The following ADAM22 variants were observed in gnomAD, a reference collection of about 807,000 sequenced individuals.
ADAM22 encodes the protein disintegrin and metalloproteinase domain-containing protein 22.
A neutral mutation model predicts 144.6 loss-of-function variants in ADAM22; 65 were observed. The ratio of observed to expected loss-of-function variants is 0.45; its 90% CI spans 0.37 to 0.55. The LOEUF is 0.55. ADAM22 is among the 20% of genes least tolerant of loss of function. The probability of loss-of-function intolerance (pLI) is 0.00; values close to 1 mark genes in which losing one functional copy is unlikely to be tolerated. For missense variants in ADAM22, 974 were observed against 1,184.9 expected, an observed-to-expected ratio of 0.82 and a Z score of 2.61; for synonymous variants, 391 against 412.6, an observed-to-expected ratio of 0.95 and a Z score of 0.63.
At chr7:88,095,977 G>A (rs1035075122) in intron 4 of ADAM22, among the ~76,000 whole-genome samples, 3 of 132,144 alleles carry the variant, frequency 2.3e-5, no homozygotes, top group African/African-American at 8.8e-5. Flanking sequence ...TGCTCAGGCT[G>A]GAGTGCAGTG....
At chr7:88,105,230 T>A (rs1023936258) in intron 4 of ADAM22, among the ~76,000 whole-genome samples, 1 of 152,164 alleles carries the variant, frequency 6.6e-6, no homozygotes. Flanking sequence ...TCTACTTCTC[T>A]TTATTTATCT....
intron 3 of ADAM22, among the ~76,000 whole-genome samples, chr7:87,987,097 G>A (rs1055166923): frequency 2.6e-4 from 40 of 152,262 alleles, no homozygotes; most frequent in African/African-American, 9.6e-4. Flanking sequence ...GTTCTTTTGA[G>A]ATTTTTACAG....
chr7:87,971,912 C>T (rs1850537198), intron 2 of ADAM22, among the ~76,000 whole-genome samples: 2 of 152,142 alleles, frequency 1.3e-5, no homozygotes, highest in Admixed American at 6.5e-5. Context: ...CCATATTGGC[C>T]GGGTGCGGTG....
chr7:87,969,924 G>T (rs79253546), intron 2 of ADAM22, among the ~76,000 whole-genome samples: 1 of 152,156 alleles, frequency 6.6e-6, no homozygotes, highest in Non-Finnish European at 1.5e-5. Context: ...GGAAAAGGGA[G>T]AGTAACATGG....
At chr7:87,999,313 C>T (rs1355097075) in intron 3 of ADAM22, among the ~76,000 whole-genome samples, 1 of 152,170 alleles carries the variant, frequency 6.6e-6, no homozygotes, top group African/African-American at 2.4e-5. Context: ...ACCTTATACA[C>T]AATCACACAA....
chr7:87,969,975 C>G (rs1230256198), intron 2 of ADAM22, among the ~76,000 whole-genome samples: 1 of 152,146 alleles, frequency 6.6e-6, no homozygotes, highest in African/African-American at 2.4e-5. Context: ...CACTAATGTT[C>G]TTACATTTAT....
At chr7:88,114,472 G>A (rs1827236474) in intron 5 of ADAM22, 112 bp from the exon 6 acceptor site, 14 of 891,292 alleles carry the variant, frequency 1.6e-5, no homozygotes, top group Non-Finnish European at 2.6e-5. Context: ...ATGGGACTGG[G>A]AAATGGGCAT....
chr7:88,143,255 T>A, intron 15 of ADAM22, 130 bp downstream of exon 15: 2 of 585,018 alleles, frequency 3.4e-6, no homozygotes, highest in Non-Finnish European at 5.9e-6. Flanking sequence ...ATTCTAGATA[T>A]GCTATATATC....
At chr7:87,987,131 A>C (rs567725876) in intron 3 of ADAM22, among the ~76,000 whole-genome samples, 1 of 152,178 alleles carries the variant, frequency 6.6e-6, no homozygotes, top group Non-Finnish European at 1.5e-5. Flanking sequence ...TAAAGATTAA[A>C]TCATCAGAGC....
chr7:88,130,038 T>C (rs1161731514), intron 9 of ADAM22, among the ~76,000 whole-genome samples: 1 of 152,140 alleles, frequency 6.6e-6, no homozygotes, highest in Non-Finnish European at 1.5e-5. Context: ...CTTAGATTTG[T>C]ATGTCTTGCA....
chr7:88,167,972 CT>C (rs1217366658), intron 24 of ADAM22, among the ~76,000 whole-genome samples, 164 bp from the exon 25 acceptor site: 2 of 152,160 alleles, frequency 1.3e-5, no homozygotes, highest in African/African-American at 4.8e-5. Flanking sequence ...TTTAAAACAA[CT>C]GATATGGATT....
intron 3 of ADAM22, among the ~76,000 whole-genome samples, chr7:88,028,934 G>A (rs1293571289): frequency 6.6e-6 from 1 of 151,696 alleles, no homozygotes; most frequent in Non-Finnish European, 1.5e-5. Flanking sequence ...AATAGAACGT[G>A]GAGTCTTGTT....
intron 4 of ADAM22, among the ~76,000 whole-genome samples, chr7:88,080,827 A>T (rs528917304): frequency 9.3e-5 from 14 of 151,094 alleles, no homozygotes; most frequent in Non-Finnish European, 1.3e-4. Context: ...ATAGACCAAT[A>T]TTGAAATTGA....
intron 3 of ADAM22, among the ~76,000 whole-genome samples, chr7:88,016,148 G>A (rs1236811194): frequency 5.9e-5 from 9 of 151,986 alleles, no homozygotes; most frequent in African/African-American, 2.2e-4. Context: ...TGAGTTCTAG[G>A]CATTTGTATT....
intron 2 of ADAM22, among the ~76,000 whole-genome samples, chr7:87,965,023 C>T (rs1013878740): frequency 2.0e-5 from 3 of 152,180 alleles, no homozygotes; most frequent in African/African-American, 4.8e-5. Context: ...ACCACAATCC[C>T]ATCTTCTTTC....
At position 88,064,963 on chromosome 7, in the gene ADAM22, ATAG is replaced by A. The variant is rs1286711309; in HGVS notation, c.324-10656_324-10654del. ...AGTAGTAGTAGTGGTAGCAGTGGTAATAGTAGTAGGTGCTCAAAATTGTTAACT... is the reference window on the plus strand; with the variant it reads ...AGTAGTAGTAGTGGTAGCAGTGGTAATAGTAGGTGCTCAAAATTGTTAACT... On this transcript the variant is annotated intron_variant, in intron 3 of 31. Coordinates refer to ENST00000413139, the MANE Select transcript of ADAM22 (RefSeq NM_001324418.2). Among the ~76,000 whole-genome samples the A allele has an allele frequency of 3.9e-5, 6 of 152,254 alleles. No individual in the cohort carries two copies. In the East Asian group the frequency reaches 5.8e-4, roughly 15 times the overall value.
chr7:88,041,240 C>T (rs1378313950), intron 3 of ADAM22, among the ~76,000 whole-genome samples: 2 of 152,006 alleles, frequency 1.3e-5, no homozygotes, highest in East Asian at 1.9e-4. Context: ...AGGGGGTATA[C>T]ACCTTGGGGT....
intron 2 of ADAM22, among the ~76,000 whole-genome samples, chr7:87,971,156 G>C (rs1397808887): frequency 6.6e-6 from 1 of 152,076 alleles, no homozygotes; most frequent in Non-Finnish European, 1.5e-5. Flanking sequence ...CTATGGTCAT[G>C]TTATTAACTT....
At chr7:88,073,537 C>G (rs1813393388) in intron 3 of ADAM22, among the ~76,000 whole-genome samples, 1 of 152,116 alleles carries the variant, frequency 6.6e-6, no homozygotes, top group South Asian at 2.1e-4. Context: ...GTGAGCTATC[C>G]TAGAGGTGAG....
Sources: allele counts gnomAD v4.1 joint callset (sites outside exome capture counted in the v4.1 genomes callset), GRCh38; gene constraint gnomAD v4.1.1; transcripts MANE v1.5; gene names NCBI Gene and HGNC (gene_info 2026-07-23, HGNC 2026-07-21).